The following STRBP variants were observed in gnomAD, a reference collection of about 807,000 sequenced individuals.
STRBP encodes the protein spermatid perinuclear RNA binding protein, also known as spermatid perinuclear RNA-binding protein.
Under a neutral mutation model 80.1 loss-of-function variants are expected in STRBP, and 13 were observed. That is an observed-to-expected ratio of 0.16 (90% CI 0.11 to 0.26). The LOEUF is 0.26. Among genes scored for constraint, STRBP ranks in the 10% least tolerant of loss-of-function variants. The pLI is 1.00. For missense variants in STRBP, 485 were observed against 815.2 expected (o/e 0.59, Z 4.93); for synonymous variants, 284 against 291.2 (o/e 0.98, Z 0.25).
intron 2 of STRBP, among the ~76,000 whole-genome samples, chr9:123,192,490 G>A (rs374835600): frequency 6.6e-6 from 1 of 152,122 alleles, no homozygotes; most frequent in East Asian, 1.9e-4. Context: ...CCTATAGTCC[G>A]TCGGGAGGCT....
At chr9:123,249,677 AT>A (rs2040871835) in intron 1 of STRBP, among the ~76,000 whole-genome samples, 1 of 152,150 alleles carries the variant, frequency 6.6e-6, no homozygotes, top group Non-Finnish European at 1.5e-5. Context: ...TTTTTAAATT[AT>A]TTTTAATTAA....
chr9:123,186,994 A>C (rs2132474142), intron 2 of STRBP, among the ~76,000 whole-genome samples: 1 of 152,218 alleles, frequency 6.6e-6, no homozygotes, highest in African/African-American at 2.4e-5. Context: ...AATGAGAAAT[A>C]ATTCCACTAC....
intron 9 of STRBP, 138 bp from the exon 10 acceptor site, chr9:123,158,567 G>A (rs2037390915): frequency 2.9e-6 from 2 of 684,874 alleles, no homozygotes; most frequent in East Asian, 2.7e-5. Context: ...AGTCTGCTCA[G>A]TTAAGTGGAG....
rs1564209015 is a variant in STRBP at position 123,123,695 on chromosome 9, G to A, written c.*1902C>T. On this transcript the variant is annotated 3_prime_UTR_variant, in exon 19 of 19. Coordinates refer to ENST00000348403, the MANE Select transcript of STRBP (RefSeq NM_018387.5). ...ACGAGAAATATCTAGAGATTCCAAC[G>A]TGGAATCCAAATTTGATGACCAATT... 8.1e-6 allele frequency: 8 copies of A among 985,234 alleles called. No homozygotes were observed. The highest frequency in any genetic ancestry group is 1.7e-5 in the African/African-American group (1 of 57,194). 61.0% of individuals were successfully genotyped at this position (985,234 alleles called of 1,614,324 possible).
intron 3 of STRBP, 38 bp downstream of exon 3, chr9:123,184,094 T>C (rs1297178170): frequency 6.3e-7 from 1 of 1,585,402 alleles, no homozygotes; most frequent in South Asian, 1.1e-5. Context: ...ACTGGAGTCT[T>C]TTGTAACTAA....
At chr9:123,182,703 G>A (rs1448536797) in intron 3 of STRBP, among the ~76,000 whole-genome samples, 2 of 152,074 alleles carry the variant, frequency 1.3e-5, no homozygotes, top group East Asian at 3.9e-4. Context: ...TTAAAAGCAA[G>A]TAACATTTAA....
intron 2 of STRBP, among the ~76,000 whole-genome samples, chr9:123,185,990 C>T (rs2038681903): frequency 6.8e-6 from 1 of 147,434 alleles, no homozygotes; most frequent in Non-Finnish European, 1.5e-5. Context: ...CAAGATCACG[C>T]CACTACACTC....
intron 1 of STRBP, among the ~76,000 whole-genome samples, chr9:123,252,123 T>G (rs1031016222): frequency 2.0e-5 from 3 of 152,046 alleles, no homozygotes; most frequent in Admixed American, 6.5e-5. Context: ...TGGTGAAAAC[T>G]GACACATGGC....
At chr9:123,208,256 AG>A (rs1419906108) in intron 2 of STRBP, among the ~76,000 whole-genome samples, 1 of 152,182 alleles carries the variant, frequency 6.6e-6, no homozygotes, top group Non-Finnish European at 1.5e-5. Flanking sequence ...GCACCAAAGA[AG>A]GTAATACTGC....
chr9:123,211,983 C>A (rs1402108471), intron 2 of STRBP, among the ~76,000 whole-genome samples: 2 of 152,168 alleles, frequency 1.3e-5, no homozygotes, highest in Non-Finnish European at 2.9e-5. Context: ...TAGACACTAA[C>A]TCAAAAAGAA....
At chr9:123,253,289 C>G (rs1324231438) in intron 1 of STRBP, among the ~76,000 whole-genome samples, 1 of 152,160 alleles carries the variant, frequency 6.6e-6, no homozygotes, top group African/African-American at 2.4e-5. Flanking sequence ...ATAAAGAGTT[C>G]CAAAGATTAT....
In STRBP at chr9:123,161,073, C is replaced by T. The variant is rs750236457; in HGVS notation, c.536-5G>A. The T allele has an allele frequency of 1.2e-5, 19 of 1,590,684 alleles. No individual in the cohort carries two copies. The highest frequency in any genetic ancestry group is 1.5e-5 in the Non-Finnish European group (18 of 1,167,886). ...GATCTTTCATCGAAACATTTTCTAA[C>T]AGTAAAATGGGATAAAGAGAGACAA... On this transcript the variant is annotated splice_polypyrimidine_tract_variant and splice_region_variant and intron_variant, in intron 6 of 18. Transcript: ENST00000348403.
At chr9:123,128,856 C>A (rs1000347741) in intron 17 of STRBP, among the ~76,000 whole-genome samples, 8 of 152,176 alleles carry the variant, frequency 5.3e-5, no homozygotes, top group African/African-American at 1.9e-4. Flanking sequence ...ATTTCTGGCC[C>A]AAGTACAGGG....
At chr9:123,194,723 A>T (rs926603744) in intron 2 of STRBP, among the ~76,000 whole-genome samples, 1 of 152,092 alleles carries the variant, frequency 6.6e-6, no homozygotes, top group Admixed American at 6.6e-5. Context: ...TAATGCTGTG[A>T]ATAATTCTCA....
chr9:123,181,046 G>C, intron 3 of STRBP: 1 of 499,546 alleles, frequency 2.0e-6, no homozygotes, highest in Non-Finnish European at 2.6e-6. Context: ...CCTCTATAAA[G>C]CAAAGAAAAC....
intron 2 of STRBP, among the ~76,000 whole-genome samples, chr9:123,231,106 T>C (rs1214283551): frequency 6.6e-6 from 1 of 152,150 alleles, no homozygotes; most frequent in Non-Finnish European, 1.5e-5. Flanking sequence ...CTCACACCCC[T>C]AGAGGTCAAT....
chr9:123,156,028 A>G (rs16926199), intron 11 of STRBP, among the ~76,000 whole-genome samples: 2,158 of 152,170 alleles, frequency 0.014, 55 homozygotes, highest in African/African-American at 0.049. Flanking sequence ...TATGCTATCA[A>G]CTGACAAACC....
intron 2 of STRBP, among the ~76,000 whole-genome samples, chr9:123,224,861 T>C (rs1289404937): frequency 6.6e-6 from 1 of 152,212 alleles, no homozygotes; most frequent in Non-Finnish European, 1.5e-5. Context: ...TTTCACTCCA[T>C]GTTACATACC....
chr9:123,172,724 A>AG (rs1194005156), intron 5 of STRBP, among the ~76,000 whole-genome samples: 1 of 152,204 alleles, frequency 6.6e-6, no homozygotes, highest in Non-Finnish European at 1.5e-5. Flanking sequence ...TTTGAGGGTC[A>AG]GCTAGTGAAT....
Sources: allele counts gnomAD v4.1 joint callset (sites outside exome capture counted in the v4.1 genomes callset), GRCh38; gene constraint gnomAD v4.1.1; transcripts MANE v1.5; gene names NCBI Gene and HGNC (gene_info 2026-07-23, HGNC 2026-07-21).